Variants in NUP210L observed in about 807,000 individuals in gnomAD.
NUP210L encodes nuclear pore membrane glycoprotein 210-like.
NUP210L carries 74 observed loss-of-function variants against 208.5 expected under a neutral mutation model. The observed-to-expected ratio is 0.35, with a 90% confidence interval of 0.29 to 0.43. NUP210L has a LOEUF of 0.43. Ranked by LOEUF, NUP210L falls within the 20% of genes least tolerant of loss-of-function variation. The pLI, the probability that NUP210L is intolerant of heterozygous loss-of-function variation, is 1.00. For missense variants in NUP210L, 1,843 were observed against 2,289.4 expected, an observed-to-expected ratio of 0.81 and a Z score of 3.98; for synonymous variants, 780 against 816.9, an observed-to-expected ratio of 0.95 and a Z score of 0.77.
chr1:154,065,830 T>C (rs1192970880), intron 17 of NUP210L, among the ~76,000 whole-genome samples: 1 of 132,670 alleles, frequency 7.5e-6, no homozygotes, highest in African/African-American at 2.9e-5. Flanking sequence ...AAGGCAGAGG[T>C]TGCAGTAAGC....
chr1:154,064,242 A>G (rs558686994), intron 17 of NUP210L, among the ~76,000 whole-genome samples: 1 of 151,984 alleles, frequency 6.6e-6, no homozygotes, highest in African/African-American at 2.4e-5. Context: ...GCCTGCTGGT[A>G]TCCATGCCTT....
chr1:154,114,079 G>C (rs1200883903), intron 12 of NUP210L, among the ~76,000 whole-genome samples: 1 of 150,662 alleles, frequency 6.6e-6, no homozygotes, highest in African/African-American at 2.4e-5. Flanking sequence ...AGAGGCGGAG[G>C]TTGCAATGAG....
chr1:154,049,139 C>T (rs546329418), intron 25 of NUP210L, among the ~76,000 whole-genome samples: 36 of 152,238 alleles, frequency 2.4e-4, no homozygotes, highest in East Asian at 3.9e-4. Flanking sequence ...CAATTCAACC[C>T]GCTCAATTTA....
chr1:154,069,993 T>C (rs1015263240), intron 17 of NUP210L, among the ~76,000 whole-genome samples: 7 of 152,080 alleles, frequency 4.6e-5, no homozygotes, highest in African/African-American at 9.7e-5. Flanking sequence ...GAGGTGGGAA[T>C]TGAACAATGA....
At chr1:154,121,815 C>G (rs190745557) in intron 10 of NUP210L, among the ~76,000 whole-genome samples, 2 of 150,872 alleles carry the variant, frequency 1.3e-5, no homozygotes, top group Non-Finnish European at 2.9e-5. Context: ...TGCAGTGGGC[C>G]GAGATCGTTC....
At chr1:154,126,331 T>TTAAACA in exon 10 of NUP210L, 7 of 1,610,374 alleles carry the variant, frequency 4.3e-6, no homozygotes, top group Non-Finnish European at 5.9e-6. Flanking sequence ...ACCTGGTAAA[T>TTAAACA]GATGGAGGTC....
rs896451333 is a variant in NUP210L, at chr1:154,016,974, A to C, written c.4653+1959T>G. On this transcript the variant is annotated intron_variant, in intron 33 of 39. Coordinates refer to ENST00000368559, the Ensembl canonical transcript of NUP210L. ...GGGCGATACTCCATCTCAAAAAAAA[A>C]CAAAAAAACACGCACAAAAAAGCCT... Among the ~76,000 whole-genome samples, 125 of 151,922 alleles carry C rather than the reference A, an allele frequency of 8.2e-4. 1 individual carries two copies. The highest frequency in any genetic ancestry group is 4.1e-4 in the South Asian group (2 of 4,830).
intron 33 of NUP210L, among the ~76,000 whole-genome samples, chr1:154,013,302 G>GGT (rs1357464721): frequency 6.6e-6 from 1 of 152,158 alleles, no homozygotes; most frequent in African/African-American, 2.4e-5. Context: ...GGCCAGGTGC[G>GGT]GTGGCTCATG....
chr1:154,113,656 A>G (rs548103185), intron 12 of NUP210L, among the ~76,000 whole-genome samples: 1 of 151,460 alleles, frequency 6.6e-6, no homozygotes, highest in Non-Finnish European at 1.5e-5. Flanking sequence ...TCAGGAATTC[A>G]ACACCAGCCT....
chr1:154,055,167 CTTTCTTTCTTTCTTTCTTTCTT>C (rs1653780375), intron 23 of NUP210L, among the ~76,000 whole-genome samples: 1 of 119,242 alleles, frequency 8.4e-6, no homozygotes, highest in African/African-American at 2.9e-5. Flanking sequence ...TTCTTTCTTT[CTTTCTTTCTTTCTTTCTTTCTT>C]TTTCTTTCTT....
intron 28 of NUP210L, among the ~76,000 whole-genome samples, chr1:154,027,826 T>A (rs566599799): frequency 7.9e-4 from 121 of 152,322 alleles, no homozygotes; most frequent in African/African-American, 2.7e-3. Flanking sequence ...AACCTAATGT[T>A]AGCCCTGTTT....
intron 6 of NUP210L, 61 bp from the exon 7 acceptor site, chr1:154,136,033 T>A: frequency 8.9e-7 from 1 of 1,125,390 alleles, no homozygotes; most frequent in Non-Finnish European, 1.3e-6. Context: ...GATAATGATG[T>A]ATTCTTGATC....
chr1:154,084,692 C>T, intron 16 of NUP210L, among the ~76,000 whole-genome samples: 1 of 149,978 alleles, frequency 6.7e-6, no homozygotes, highest in Non-Finnish European at 1.5e-5. Flanking sequence ...AGGCTGGTCT[C>T]CAACTCCTGG....
At chr1:154,005,151 T>C (rs1346857543) in intron 35 of NUP210L, among the ~76,000 whole-genome samples, 1 of 151,654 alleles carries the variant, frequency 6.6e-6, no homozygotes, top group African/African-American at 2.4e-5. Context: ...GTGCCCGGCC[T>C]CCTCTTTTCT....
At chr1:154,004,260 G>A (rs974953202) in intron 35 of NUP210L, among the ~76,000 whole-genome samples, 2 of 151,392 alleles carry the variant, frequency 1.3e-5, no homozygotes, top group Non-Finnish European at 2.9e-5. Context: ...TAGTAGAGAC[G>A]GGGTTTCACC....
intron 12 of NUP210L, among the ~76,000 whole-genome samples, chr1:154,107,298 A>G (rs1656815700): frequency 6.6e-6 from 1 of 151,796 alleles, no homozygotes; most frequent in East Asian, 1.9e-4. Context: ...ACACGGTGAA[A>G]CCCTGTCTCT....
chr1:154,053,063 T>C (rs1377062298), intron 25 of NUP210L, among the ~76,000 whole-genome samples: 2 of 152,238 alleles, frequency 1.3e-5, no homozygotes, highest in African/African-American at 4.8e-5. Context: ...TAATGGCTCT[T>C]AATAAGATCC....
intron 7 of NUP210L, among the ~76,000 whole-genome samples, chr1:154,129,828 T>C (rs1658155400): frequency 6.6e-6 from 1 of 152,216 alleles, no homozygotes; most frequent in African/African-American, 2.4e-5. Flanking sequence ...TTTTCTGTTA[T>C]TTGCAGTAAA....
intron 27 of NUP210L, among the ~76,000 whole-genome samples, chr1:154,033,623 A>C (rs919005513): frequency 5.9e-5 from 9 of 152,142 alleles, no homozygotes; most frequent in African/African-American, 2.2e-4. Context: ...TTTTTATGCA[A>C]GTGTCATTGC....
Sources: gnomAD v4.1 joint callset for allele counts (sites outside exome capture counted in the v4.1 genomes callset) on GRCh38, gnomAD v4.1.1 for gene constraint, MANE v1.5 for transcripts, NCBI Gene and HGNC (gene_info 2026-07-23, HGNC 2026-07-21) for gene names.